AP2M1: variants seen among roughly 807,000 people sequenced by gnomAD.
AP2M1 encodes the protein adaptor related protein complex 2 subunit mu 1, also known as AP-2 complex subunit mu.
A neutral mutation model predicts 54.5 loss-of-function variants in AP2M1; 5 were observed. That is an observed-to-expected ratio of 0.09 (90% confidence interval 0.05 to 0.19). The LOEUF (loss-of-function observed/expected upper bound fraction) is 0.19, where lower values mean the gene tolerates loss of function less well. Among genes scored for constraint, AP2M1 ranks in the 10% least tolerant of loss-of-function variants. The pLI is 1.00. For synonymous variants in AP2M1, 186 were observed against 208.2 expected (o/e 0.89, Z 0.92); for missense variants, 178 against 580.2 (o/e 0.31, Z 7.12).
Position 184,176,974 on chromosome 3 carries a change from G to T in AP2M1, c.-20G>T. 1 of 1,613,010 alleles carries T rather than the reference G, an allele frequency of 6.2e-7. No homozygotes were observed. Among genetic ancestry groups the T allele is most frequent in the Non-Finnish European group, 8.5e-7 (1 of 1,179,648 alleles). ...AGGTCTGTTCTCAGAGCGATGGGCCGCGGAGACTGATCTGCCGCCATGATT... is the reference window on the plus strand; with the variant it reads ...AGGTCTGTTCTCAGAGCGATGGGCCTCGGAGACTGATCTGCCGCCATGATT... On this transcript the variant is annotated 5_prime_UTR_variant, in exon 2 of 12. Coordinates refer to ENST00000292807, the MANE Select transcript of AP2M1 (RefSeq NM_004068.4).
chr3:184,175,187 C>T (rs1022551435), intron 1 of AP2M1: 7 of 391,644 alleles, frequency 1.8e-5, no homozygotes, highest in Non-Finnish European at 3.2e-5. Context: ...CCTGGCGCCT[C>T]CCATGAGAGG....
In AP2M1 at chr3:184,180,727, GA is replaced by G. The variant is rs538304901; in HGVS notation, c.429+81del. The G allele has an allele frequency of 4.3e-6, 7 of 1,614,062 alleles. No homozygotes were observed. The East Asian group carries it at 6.7e-5, about 15-fold the overall frequency. ...GCCCTGCCCTTTGGGGCTTATAGGG[GA>G]AAATGGATTACAGGTGGGGACTAGA... On this transcript the variant is annotated intron_variant, in intron 5 of 11. Coordinates refer to ENST00000292807, the MANE Select transcript of AP2M1 (RefSeq NM_004068.4). This position sits in a 1 kb window ranked among gnomAD's most constrained non-coding sequence, Gnocchi z 4.9.
chr3:184,182,259 C>A lies in AP2M1; in HGVS notation c.1061+11C>A, dbSNP rs778900949. The A allele has an allele frequency of 2.5e-6, 4 of 1,612,824 alleles. No homozygotes were observed. In the African/African-American group the frequency reaches 4.0e-5, roughly 16 times the overall value. On this transcript the variant is annotated intron_variant, in intron 10 of 11. Transcript: ENST00000292807. This position sits in a 1 kb window ranked among gnomAD's most constrained non-coding sequence, Gnocchi z 5.5. ...TGCCATCGTGTGGAAGTGAGTCTTTCCTTCATTAGGCCACAGCAGGGCTCA... is the reference window on the plus strand; with the variant it reads ...TGCCATCGTGTGGAAGTGAGTCTTTACTTCATTAGGCCACAGCAGGGCTCA...
At position 184,181,818 on chromosome 3, in the gene AP2M1, G is replaced by A. The variant is rs1473034303; in HGVS notation, c.827+3G>A. The A allele has an allele frequency of 6.2e-7, 1 of 1,614,070 alleles. No homozygotes were observed. Among genetic ancestry groups the A allele is most frequent in the African/African-American group, 1.3e-5 (1 of 74,932 alleles). On this transcript the variant is annotated splice_donor_region_variant and intron_variant, in intron 8 of 11. Transcript: ENST00000292807. This position sits in a 1 kb window ranked among gnomAD's most constrained non-coding sequence, Gnocchi z 5.7. ...GATGGAGAGTTTGAGCTTATGAGGT[G>A]CCATTGGGGTGTGAGGAGGCAGCTA...
At position 184,182,679 on chromosome 3, in the gene AP2M1, C is replaced by G. The variant is rs1032519939; in HGVS notation, c.1062-78C>G. 2.0e-5 allele frequency: 26 copies of G among 1,298,576 alleles called. No homozygotes were observed. The highest frequency in any genetic ancestry group is 2.3e-5 in the Non-Finnish European group (21 of 909,432). 80.4% of individuals were successfully genotyped at this position (1,298,576 alleles called of 1,614,324 possible). A position where few individuals can be genotyped will look rare whatever the true frequency, so the allele number is the denominator to read the frequency against. ...CACCTCCTGCAAGCTCCTGGGCTCT[C>G]TCCTTGCTTGAAATGGGCAACTGCC... On this transcript the variant is annotated intron_variant, in intron 10 of 11. Transcript: ENST00000292807. The surrounding 1 kb of genome is among the most constrained non-coding windows in gnomAD (Gnocchi z 5.5).
intron 1 of AP2M1, among the ~76,000 whole-genome samples, chr3:184,175,571 GT>G (rs1352539354): frequency 6.6e-6 from 1 of 152,158 alleles, no homozygotes; most frequent in African/African-American, 2.4e-5. Context: ...CCCCCGGCCG[GT>G]TTTTCCTTCT....
chr3:184,177,691 C>T, intron 2 of AP2M1: 1 of 1,344,532 alleles, frequency 7.4e-7, no homozygotes, highest in Non-Finnish European at 1.0e-6. Flanking sequence ...GCTCCATATC[C>T]TGGGCCTTCA....
intron 3 of AP2M1, chr3:184,179,436 T>G (rs577801442): frequency 5.5e-4 from 190 of 343,848 alleles, no homozygotes; most frequent in African/African-American, 3.8e-3. Context: ...CTTAGTTCAC[T>G]AACTGTCCAC....
intron 3 of AP2M1, 56 bp downstream of exon 3, chr3:184,179,178 G>T (rs2231217): frequency 6.3e-7 from 1 of 1,590,850 alleles, no homozygotes; most frequent in Admixed American, 1.7e-5. Context: ...AACCAGGCTG[G>T]GCCTGGCCTG....
rs1029007694 is a variant in AP2M1 at position 184,182,148 on chromosome 3, T to C, written c.964-3T>C. 2 of 1,613,760 alleles carry C rather than the reference T, an allele frequency of 1.2e-6. No homozygotes were observed. Among genetic ancestry groups the C allele is most frequent in the Admixed American group, 1.7e-5 (1 of 59,964 alleles). On this transcript the variant is annotated splice_polypyrimidine_tract_variant and splice_region_variant and intron_variant, in intron 9 of 11. Coordinates refer to ENST00000292807, the MANE Select transcript of AP2M1 (RefSeq NM_004068.4). The surrounding 1 kb of genome is among the most constrained non-coding windows in gnomAD (Gnocchi z 5.5). ...AGCTCCCTGACAGGTGTGTCACTTC[T>C]AGGTGAGGATCCCAACCCCACTGAA...
In AP2M1 at chr3:184,183,464, C is replaced by G; in HGVS notation, c.1174-18C>G. On this transcript the variant is annotated intron_variant, in intron 11 of 11. Transcript: ENST00000292807. The surrounding 1 kb of genome is among the most constrained non-coding windows in gnomAD (Gnocchi z 5.7). ...TGTAAGAGGAAGGCCACATTTCTAA[C>G]TAGCTCTCCTTGCCCAGGTGCCATT... The G allele has an allele frequency of 6.2e-7, 1 of 1,613,914 alleles. No individual in the cohort carries two copies. Among genetic ancestry groups the G allele is most frequent in the African/African-American group, 1.3e-5 (1 of 75,048 alleles).
chr3:184,183,840 C>T lies in AP2M1; in HGVS notation c.*224C>T. 3.7e-6 allele frequency: 2 copies of T among 536,314 alleles called. No individual in the cohort carries two copies. The highest frequency in any genetic ancestry group is 6.7e-6 in the Non-Finnish European group (2 of 299,380). 33.2% of individuals were successfully genotyped at this position (536,314 alleles called of 1,614,324 possible). On this transcript the variant is annotated 3_prime_UTR_variant, in exon 12 of 12. Coordinates refer to ENST00000292807, the MANE Select transcript of AP2M1 (RefSeq NM_004068.4). This position sits in a 1 kb window ranked among gnomAD's most constrained non-coding sequence, Gnocchi z 5.7. ...GTTCTGAGGCTCCTGCTCTCCCATC[C>T]ACCTGTCTGTCCTGGCCTAATGCCA...
rs756315784 is a variant in AP2M1, at chr3:184,176,990, C to T, written c.-4C>T. The T allele has an allele frequency of 2.5e-6, 4 of 1,613,710 alleles. No individual in the cohort carries two copies. The highest frequency in any genetic ancestry group is 3.4e-6 in the Non-Finnish European group (4 of 1,179,882). On this transcript the variant is annotated 5_prime_UTR_variant, in exon 2 of 12. Coordinates refer to ENST00000292807, the MANE Select transcript of AP2M1 (RefSeq NM_004068.4). The stretch of plus-strand genomic sequence containing the variant: ...CGATGGGCCGCGGAGACTGATCTGC[C>T]GCCATGATTGGAGGCTTATTCATCT...
In AP2M1 at chr3:184,183,401, G is replaced by A. The variant is rs1306225311; in HGVS notation, c.1174-81G>A. 1 of 1,587,520 alleles carries A rather than the reference G, an allele frequency of 6.3e-7. No individual in the cohort carries two copies. Among genetic ancestry groups the A allele is most frequent in the African/African-American group, 1.3e-5 (1 of 74,180 alleles). ...TACAAACACCTGTAGTAGCGATGAA[G>A]TAGGGCAGGGCAACGGGACTTCCCA... On this transcript the variant is annotated intron_variant, in intron 11 of 11. Transcript: ENST00000292807. The surrounding 1 kb of genome is among the most constrained non-coding windows in gnomAD (Gnocchi z 5.7).
chr3:184,181,685 C>T lies in AP2M1; in HGVS notation c.708-11C>T, dbSNP rs1715278503. 1 of 1,613,654 alleles carries T rather than the reference C, an allele frequency of 6.2e-7. No individual in the cohort carries two copies. The highest frequency in any genetic ancestry group is 1.3e-5 in the African/African-American group (1 of 75,036). On this transcript the variant is annotated splice_polypyrimidine_tract_variant and intron_variant, in intron 7 of 11. Coordinates refer to ENST00000292807, the MANE Select transcript of AP2M1 (RefSeq NM_004068.4). This position sits in a 1 kb window ranked among gnomAD's most constrained non-coding sequence, Gnocchi z 5.7. ...CTGTACCAATGAGACCTCTTCTGCC[C>T]CTGCTTGCAGCGGGAAGCAATCAAT...
At position 184,183,347 on chromosome 3, in the gene AP2M1, C is replaced by T. The variant is rs1253496374; in HGVS notation, c.1174-135C>T. The T allele has an allele frequency of 5.1e-6, 7 of 1,370,596 alleles. No homozygotes were observed. The highest frequency in any genetic ancestry group is 2.7e-4 in the Middle Eastern group (1 of 3,744). 84.9% of individuals were successfully genotyped at this position (1,370,596 alleles called of 1,614,324 possible). ...AGTCACCTCTTAGAAGGTCCCACGCCGCCCCAGCTTCTTTCAGGACCCCAG... is the reference window on the plus strand; with the variant it reads ...AGTCACCTCTTAGAAGGTCCCACGCTGCCCCAGCTTCTTTCAGGACCCCAG... On this transcript the variant is annotated intron_variant, in intron 11 of 11. Coordinates refer to ENST00000292807, the MANE Select transcript of AP2M1 (RefSeq NM_004068.4). The surrounding 1 kb of genome is among the most constrained non-coding windows in gnomAD (Gnocchi z 5.7).
chr3:184,180,263 G>C lies in AP2M1; in HGVS notation c.423+12G>C. ...GCATCAAGAGTCAGGTACTTGAATT[G>C]TGCAGACTATAGTCAGGGTGGAGTC... On this transcript the variant is annotated intron_variant, in intron 4 of 11. Coordinates refer to ENST00000292807, the MANE Select transcript of AP2M1 (RefSeq NM_004068.4). This position sits in a 1 kb window ranked among gnomAD's most constrained non-coding sequence, Gnocchi z 4.9. The C allele has an allele frequency of 2.5e-6, 4 of 1,613,804 alleles. No individual in the cohort carries two copies. Among genetic ancestry groups the C allele is most frequent in the Non-Finnish European group, 3.4e-6 (4 of 1,179,800 alleles).
chr3:184,178,430 C>T lies in AP2M1; in HGVS notation c.75-427C>T, dbSNP rs1216532227. 6.6e-6 allele frequency among the ~76,000 whole-genome samples: 1 copy of T among 152,184 alleles called. No homozygotes were observed. Among genetic ancestry groups the T allele is most frequent in the African/African-American group, 2.4e-5 (1 of 41,432 alleles). On this transcript the variant is annotated intron_variant, in intron 2 of 11. Transcript: ENST00000292807. This position sits in a 1 kb window ranked among gnomAD's most constrained non-coding sequence, Gnocchi z 4.9. ...GGCTTTGTCTAACATCTGGAGGAGT[C>T]GGCCCTCCCCACTGGTGGGATCACT...
At chr3:184,179,323 C>A in intron 3 of AP2M1, 1 of 654,466 alleles carries the variant, frequency 1.5e-6, no homozygotes, top group East Asian at 2.9e-5. Flanking sequence ...TGAAGTAGAA[C>A]ACAGAAATAG....
Sources: allele counts gnomAD v4.1 joint callset (sites outside exome capture counted in the v4.1 genomes callset), GRCh38; gene constraint gnomAD v4.1.1; non-coding constraint Gnocchi (gnomAD v3.1); transcripts MANE v1.5; gene names NCBI Gene and HGNC (gene_info 2026-07-23, HGNC 2026-07-21).